Variants in NOTCH1 observed in about 807,000 individuals in gnomAD.
NOTCH1 encodes notch receptor 1.
Under a neutral mutation model 254.8 loss-of-function variants are expected in NOTCH1, and 37 were observed. That is an observed-to-expected ratio of 0.15 (90% CI 0.11 to 0.19). NOTCH1 has a LOEUF of 0.19. Ranked by LOEUF, NOTCH1 falls within the 10% of genes least tolerant of loss-of-function variation. The pLI, the probability that NOTCH1 is intolerant of heterozygous loss-of-function variation, is 1.00. For missense variants in NOTCH1, 2,972 were observed against 3,708.6 expected (o/e 0.80, Z 5.16); for synonymous variants, 1,731 against 1,618.1 (o/e 1.07, Z -1.68).
At chr9:136,505,239 G>A (rs1843062002) in intron 25 of NOTCH1, 71 bp downstream of exon 25, 1 of 1,530,292 alleles carries the variant, frequency 6.5e-7, no homozygotes, top group African/African-American at 1.4e-5. Context: ...CTGCATGCTG[G>A]CCTCCGGGCC....
In NOTCH1 at chr9:136,513,160, C is replaced by A; in HGVS notation, c.2354-26G>T. 1 of 1,576,334 alleles carries A rather than the reference C, an allele frequency of 6.3e-7. No homozygotes were observed. The highest frequency in any genetic ancestry group is 8.7e-7 in the Non-Finnish European group (1 of 1,146,932). The stretch of plus-strand genomic sequence containing the variant: ...CTGGAGGGAAGGGGACAGCACTCGG[C>A]ATGTCCAGCACTCCCAGGCACCTTG... On this transcript the variant is annotated intron_variant, in intron 14 of 33. Coordinates refer to ENST00000651671, the MANE Select transcript of NOTCH1 (RefSeq NM_017617.5). This position sits in a 1 kb window ranked among gnomAD's most constrained non-coding sequence, Gnocchi z 4.7.
rs1085307869 is a variant in NOTCH1 at position 136,501,894 on chromosome 9, A to G, written c.5492T>C (p.Leu1831Pro). 4.3e-6 allele frequency: 7 copies of G among 1,612,056 alleles called. No individual in the cohort carries two copies. Among genetic ancestry groups the G allele is most frequent in the Non-Finnish European group, 5.9e-6 (7 of 1,179,976 alleles). ...KKFRFEEPVV[L>P]PDLDDQTDHR... ...GTCTGTCTGGTCGTCCAGGTCAGGC[A>G]GAACCACGGGCTCCTCGAACTACAT... is the stretch of plus-strand genomic sequence containing the variant. The change falls in exon 30 of 34, where the codon CTG becomes CCG. Residue 1831 changes from leucine (L) to proline (P), a missense_variant. Physicochemically the swap from Leu to Pro is moderately conservative, Grantham distance 98 (BLOSUM62 -3). Around this residue, in one of 8 missense-constraint regions of NOTCH1, gnomAD observed 421 missense variants for 604.4 expected, o/e 0.70. Coordinates refer to ENST00000651671, the MANE Select transcript of NOTCH1 (RefSeq NM_017617.5).
At chr9:136,529,922 G>A (rs935509885) in intron 2 of NOTCH1, among the ~76,000 whole-genome samples, 10 of 152,248 alleles carry the variant, frequency 6.6e-5, no homozygotes, top group Non-Finnish European at 1.5e-4. Context: ...GCCACCACCT[G>A]CGGTCCCACC....
Position 136,501,448 on chromosome 9 carries a change from A to AG in NOTCH1, c.5638+299_5638+300insC, listed in dbSNP as rs1307361469. Among the ~76,000 whole-genome samples, 419 of 118,914 alleles carry AG rather than the reference A, an allele frequency of 3.5e-3. 2 individuals are homozygous for AG. Among genetic ancestry groups the AG allele is most frequent in the African/African-American group, 0.011 (370 of 32,586 alleles). The allele number at this position is 118,914 out of a possible 152,430, so 78.0% of individuals were successfully genotyped here. A position where few individuals can be genotyped will look rare whatever the true frequency, so the allele number is the denominator to read the frequency against. ...GACTCCATCTCAAAAACAAAAAAAA[A>AG]AGAAAAAAAAAAAGAAAAAGAAAAT... On this transcript the variant is annotated intron_variant, in intron 30 of 33. Transcript: ENST00000651671.
In NOTCH1 at chr9:136,509,840, G is replaced by A. The variant is rs2133350850; in HGVS notation, c.2862C>T (p.Cys954=). The A allele has an allele frequency of 6.2e-7, 1 of 1,613,140 alleles. No individual in the cohort carries two copies. The part of the protein sequence containing the change: ...EDINECASDP[C]RNGANCTDCV... ...AGTCCGTGCAGTTGGCCCCGTTGCG[G>A]CAGGGGTCACTGGCACACTCGTTGA... The change falls in exon 18 of 34, where the codon TGC becomes TGT. Residue 954 remains cysteine (C), a synonymous_variant. Coordinates refer to ENST00000651671, the MANE Select transcript of NOTCH1 (RefSeq NM_017617.5).
At position 136,507,434 on chromosome 9, in the gene NOTCH1, C is replaced by T. The variant is rs1234358553; in HGVS notation, c.3514G>A (p.Val1172Met). The T allele has an allele frequency of 8.7e-6, 14 of 1,605,016 alleles. No individual in the cohort carries two copies. The highest frequency in any genetic ancestry group is 2.7e-5 in the African/African-American group (2 of 74,860). ...CAGTTCACCCCGTGGTAGCCGGCCA[C>T]GCACTGTGCAGGCGACAGAACGAGG... ...DYLGGYSCKC[V>M]AGYHGVNCSE... Residue 1172 changes from valine to methionine, a missense_variant, in exon 22 of 34, where the codon GTG becomes ATG. This residue lies in a region of NOTCH1 where 1,343 missense variants were observed against 1,557.0 expected (regional missense o/e 0.86). Coordinates refer to ENST00000651671, the MANE Select transcript of NOTCH1 (RefSeq NM_017617.5).
At chr9:136,507,095 G>A in intron 22 of NOTCH1, 122 bp from the exon 23 acceptor site, 1 of 1,484,734 alleles carries the variant, frequency 6.7e-7, no homozygotes, top group Non-Finnish European at 9.2e-7. Context: ...GGAGAGGCAG[G>A]TGTCAAGGGT....
intron 13 of NOTCH1, among the ~76,000 whole-genome samples, chr9:136,514,024 G>T (rs969315407): frequency 8.5e-5 from 13 of 152,176 alleles, no homozygotes; most frequent in African/African-American, 3.1e-4. Context: ...TGCGGCAGGG[G>T]TTTGGTTCAT....
chr9:136,524,634 CT>C (rs933297286), intron 2 of NOTCH1, among the ~76,000 whole-genome samples: 9 of 127,802 alleles, frequency 7.0e-5, no homozygotes, highest in Admixed American at 1.6e-4. Context: ...CTTTCTTTTT[CT>C]TTTCTTTTTT....
chr9:136,543,759 A>C, intron 2 of NOTCH1: 1 of 590,298 alleles, frequency 1.7e-6, no homozygotes. Context: ...GGGTACTGGG[A>C]CTCCCACTTA....
chr9:136,518,060 G>A (rs1843305712), intron 7 of NOTCH1, 77 bp downstream of exon 7: 1 of 1,549,626 alleles, frequency 6.5e-7, no homozygotes, highest in African/African-American at 1.4e-5. Flanking sequence ...ACCCCCTGAA[G>A]CCAGAATCGA....
chr9:136,506,391 A>G lies in NOTCH1; in HGVS notation c.4014+136T>C. The G allele has an allele frequency of 1.5e-6, 1 of 683,482 alleles. No individual in the cohort carries two copies. Among genetic ancestry groups the G allele is most frequent in the Non-Finnish European group, 2.4e-6 (1 of 411,726 alleles). The allele number at this position is 683,482 out of a possible 1,614,324, so 42.3% of individuals were successfully genotyped here. A position where few individuals can be genotyped will look rare whatever the true frequency, so the allele number is the denominator to read the frequency against. ...AAATCATTTATTGAAACTAAAAAAA[A>G]AAAAAAGACATCAGGGTGAGGAGGA... On this transcript the variant is annotated intron_variant, in intron 24 of 33. Coordinates refer to ENST00000651671, the MANE Select transcript of NOTCH1 (RefSeq NM_017617.5). The surrounding 1 kb of genome is among the most constrained non-coding windows in gnomAD (Gnocchi z 4.5).
intron 2 of NOTCH1, among the ~76,000 whole-genome samples, chr9:136,524,639 C>CTT (rs869128901): frequency 2.2e-3 from 119 of 54,390 alleles, no homozygotes; most frequent in East Asian, 5.2e-3. Flanking sequence ...TTTTTCTTTT[C>CTT]TTTTTTTTTT....
At chr9:136,531,947 C>T (rs1376730823) in intron 2 of NOTCH1, among the ~76,000 whole-genome samples, 4 of 152,242 alleles carry the variant, frequency 2.6e-5, no homozygotes, top group South Asian at 2.1e-4. Flanking sequence ...ATCCTCCTCT[C>T]GGAACACCGC....
At chr9:136,516,912 C>A (rs928251820) in intron 9 of NOTCH1, among the ~76,000 whole-genome samples, 4 of 151,966 alleles carry the variant, frequency 2.6e-5, no homozygotes, top group African/African-American at 9.7e-5. Context: ...AATGGCCAGG[C>A]CCCCCTCAGA....
rs918295979 is a variant in NOTCH1 at position 136,506,451 on chromosome 9, G to A, written c.4014+76C>T. The A allele has an allele frequency of 7.2e-5, 94 of 1,297,484 alleles. No homozygotes were observed. The African/African-American group carries it at 9.9e-4, about 14-fold the overall frequency. The allele number at this position is 1,297,484 out of a possible 1,614,324, so 80.4% of individuals were successfully genotyped here. On this transcript the variant is annotated intron_variant, in intron 24 of 33. Transcript: ENST00000651671. This position sits in a 1 kb window ranked among gnomAD's most constrained non-coding sequence, Gnocchi z 4.5. ...CCGGGAGGATCACTGCCCGGTCTGC[G>A]CCCCGAGGCCCCCACGTGGACCTCT... is the stretch of plus-strand genomic sequence containing the variant.
Position 136,506,072 on chromosome 9 carries a change from G to T in NOTCH1, c.4015-191C>A, listed in dbSNP as rs747920677. 7.9e-5 allele frequency among the ~76,000 whole-genome samples: 12 copies of T among 152,164 alleles called. No individual in the cohort carries two copies. The highest frequency in any genetic ancestry group is 1.6e-4 in the Non-Finnish European group (11 of 68,030). ...AGAGAAAGATCGGGGGTGCCAGGGG[G>T]TCGGGAGATGGAGGAAGGGGTAAAC... On this transcript the variant is annotated intron_variant, in intron 24 of 33. Coordinates refer to ENST00000651671, the MANE Select transcript of NOTCH1 (RefSeq NM_017617.5). This position sits in a 1 kb window ranked among gnomAD's most constrained non-coding sequence, Gnocchi z 4.5.
rs761318281 is a variant in NOTCH1, at chr9:136,518,746, G to T, written c.944C>A (p.Thr315Asn). 3 of 1,612,946 alleles carry T rather than the reference G, an allele frequency of 1.9e-6. No individual in the cohort carries two copies. In the South Asian group the frequency reaches 3.3e-5, roughly 18 times the overall value. The change falls in exon 6 of 34, where the codon ACC (threonine) becomes AAC (asparagine). Residue 315 changes from threonine to asparagine, a missense_variant. Coordinates refer to ENST00000651671, the MANE Select transcript of NOTCH1 (RefSeq NM_017617.5). ...ACQNGGTCHN[T>N]HGGYNCVCVN... Reference sequence around the variant, plus strand: ...ACACACGCAGTTGTAGCCACCGTGGGTGTTGTGGCAGGTCCCGCCGTTCTG... The same window carrying T: ...ACACACGCAGTTGTAGCCACCGTGGTTGTTGTGGCAGGTCCCGCCGTTCTG...
chr9:136,509,680 G>C (rs1484936340), intron 18 of NOTCH1, 53 bp downstream of exon 18: 1 of 1,539,782 alleles, frequency 6.5e-7, no homozygotes, highest in Non-Finnish European at 9.0e-7. Context: ...CAGCTACTGC[G>C]TGTGGCCCGC....
Sources: allele counts gnomAD v4.1 joint callset (sites outside exome capture counted in the v4.1 genomes callset), GRCh38; gene constraint gnomAD v4.1.1; regional missense constraint gnomAD v4.1.1; non-coding constraint Gnocchi (gnomAD v3.1); transcripts MANE v1.5; gene names NCBI Gene and HGNC (gene_info 2026-07-23, HGNC 2026-07-21).